MAN2A1: variants seen among roughly 807,000 people sequenced by gnomAD.
The protein encoded by MAN2A1 is mannosidase alpha class 2A member 1.
In MAN2A1, 76 loss-of-function variants were observed where a neutral mutation model predicts 142.6. The observed-to-expected ratio is 0.53, with a 90% CI of 0.44 to 0.65. The LOEUF (loss-of-function observed/expected upper bound fraction) is 0.65, where lower values mean the gene tolerates loss of function less well. Among genes scored for constraint, MAN2A1 ranks in the 30% least tolerant of loss-of-function variants. The pLI is 0.00. For synonymous variants in MAN2A1, 559 were observed against 473.2 expected (o/e 1.18, Z -2.35); for missense variants, 1,311 against 1,365.1 (o/e 0.96, Z 0.62).
In MAN2A1 at chr5:109,770,442, T is replaced by C; in HGVS notation, c.1097T>C (p.Ile366Thr). ...IPHTCGPDPK[I>T]CCQFDFKRLP... Reference sequence around the variant, plus strand: ...CACACTTGTGGACCTGATCCTAAAATATGCTGCCAGTTTGATTTTAAACGT... The same window carrying C: ...CACACTTGTGGACCTGATCCTAAAACATGCTGCCAGTTTGATTTTAAACGT... The change falls in exon 7 of 22, where the codon ATA (isoleucine) becomes ACA (threonine). Residue 366 changes from isoleucine (I) to threonine (T), a missense_variant. Ile to Thr is a moderately conservative substitution (Grantham distance 89). Coordinates refer to ENST00000261483, the MANE Select transcript of MAN2A1 (RefSeq NM_002372.4). 2 of 1,614,054 alleles carry C rather than the reference T, an allele frequency of 1.2e-6. No homozygotes were observed. The highest frequency in any genetic ancestry group is 1.7e-6 in the Non-Finnish European group (2 of 1,179,920).
intron 12 of MAN2A1, among the ~76,000 whole-genome samples, chr5:109,809,802 G>T (rs115968442): frequency 0.013 from 2,044 of 152,124 alleles, 36 homozygotes; most frequent in African/African-American, 0.047. Flanking sequence ...AGCTATTCAG[G>T]TAATTATATT....
In MAN2A1 at chr5:109,788,837, G is replaced by GA. The variant is rs1405914089; in HGVS notation, c.1761-95dup. ...ATAGGTTTCACTTTGAATACAAGAT[G>GA]AAGATACTGGTGGTTTGGCTATTAG... On this transcript the variant is annotated intron_variant, in intron 10 of 21. Transcript: ENST00000261483. 6.3e-6 allele frequency: 4 copies of GA among 630,950 alleles called. No homozygotes were observed. The Admixed American group carries it at 8.1e-5, about 13-fold the overall frequency. 39.1% of individuals were successfully genotyped at this position (630,950 alleles called of 1,614,324 possible).
At chr5:109,781,623 A>G (rs762080847) in intron 9 of MAN2A1, 25 bp downstream of exon 9, 3 of 1,474,856 alleles carry the variant, frequency 2.0e-6, no homozygotes, top group Non-Finnish European at 2.8e-6. Flanking sequence ...CTATAGCTAC[A>G]TGTATTTTTT....
intron 20 of MAN2A1, among the ~76,000 whole-genome samples, chr5:109,859,542 T>A (rs1258953724): frequency 6.6e-6 from 1 of 152,082 alleles, no homozygotes; most frequent in African/African-American, 2.4e-5. Context: ...TCAACTCTTT[T>A]CCTTGATCAC....
intron 4 of MAN2A1, among the ~76,000 whole-genome samples, chr5:109,754,475 T>G (rs2112626018): frequency 6.6e-6 from 1 of 152,342 alleles, no homozygotes; most frequent in Admixed American, 6.5e-5. Flanking sequence ...CTTTATGATG[T>G]TATCTGTATT....
At chr5:109,832,259 G>A (rs1016275912) in intron 16 of MAN2A1, among the ~76,000 whole-genome samples, 4 of 150,314 alleles carry the variant, frequency 2.7e-5, no homozygotes, top group Non-Finnish European at 4.4e-5. Context: ...ATAGTGGAGG[G>A]AAGGTCAGCA....
chr5:109,741,262 C>G (rs781586033), intron 4 of MAN2A1, among the ~76,000 whole-genome samples: 1 of 152,208 alleles, frequency 6.6e-6, no homozygotes, highest in Non-Finnish European at 1.5e-5. Context: ...AAAGTTCTCT[C>G]TCTTCTAGCT....
chr5:109,777,622 AT>A (rs1753331289), intron 8 of MAN2A1, among the ~76,000 whole-genome samples: 1 of 151,960 alleles, frequency 6.6e-6, no homozygotes, highest in Admixed American at 6.6e-5. Flanking sequence ...TGTTTGAAAA[AT>A]TTTTGTTTAT....
intron 16 of MAN2A1, among the ~76,000 whole-genome samples, chr5:109,833,268 G>T (rs1400355917): frequency 6.6e-6 from 1 of 152,126 alleles, no homozygotes; most frequent in Non-Finnish European, 1.5e-5. Context: ...CAGACAGGGT[G>T]GCGGCCGGGC....
chr5:109,851,155 CAG>C (rs1177741890), intron 19 of MAN2A1, among the ~76,000 whole-genome samples: 1 of 152,178 alleles, frequency 6.6e-6, no homozygotes, highest in Non-Finnish European at 1.5e-5. Context: ...GTCCTGTCCT[CAG>C]AGAATTCTGC....
Position 109,767,583 on chromosome 5 carries a change from C to T in MAN2A1, c.884C>T (p.Pro295Leu). 6.2e-7 allele frequency: 1 copy of T among 1,613,706 alleles called. No individual in the cohort carries two copies. Among genetic ancestry groups the T allele is most frequent in the Non-Finnish European group, 8.5e-7 (1 of 1,179,712 alleles). Reference sequence around the variant, plus strand: ...GCTATTGATCCCTTTGGACACTCACCAACAATGGCTTATCTTCTAAACCGT... The same window carrying T: ...GCTATTGATCCCTTTGGACACTCACTAACAATGGCTTATCTTCTAAACCGT... ...GWAIDPFGHS[P>L]TMAYLLNRAG... is the part of the protein sequence containing the mutation. The change falls in exon 6 of 22, where the codon CCA (proline) becomes CTA (leucine). Residue 295 changes from proline (P) to leucine (L), a missense_variant. Physicochemically the swap from Pro to Leu is moderately conservative, Grantham distance 98. Coordinates refer to ENST00000261483, the MANE Select transcript of MAN2A1 (RefSeq NM_002372.4).
At chr5:109,717,585 A>G (rs573358432) in intron 3 of MAN2A1, among the ~76,000 whole-genome samples, 74 of 151,966 alleles carry the variant, frequency 4.9e-4, no homozygotes, top group Admixed American at 6.6e-4. Context: ...TGTTTTCCTC[A>G]TATATATTTT....
At chr5:109,748,885 G>A (rs148430636) in intron 4 of MAN2A1, among the ~76,000 whole-genome samples, 46 of 151,260 alleles carry the variant, frequency 3.0e-4, no homozygotes, top group African/African-American at 1.1e-3. Flanking sequence ...ATTATATAAG[G>A]GGCTTTAAAA....
At chr5:109,714,776 C>T (rs969383118) in intron 2 of MAN2A1, among the ~76,000 whole-genome samples, 2 of 152,260 alleles carry the variant, frequency 1.3e-5, no homozygotes, top group South Asian at 4.2e-4. Flanking sequence ...ATCTTGAGGT[C>T]GTGGCTCACA....
intron 14 of MAN2A1, 24 bp downstream of exon 14, chr5:109,819,911 T>C: frequency 6.9e-7 from 1 of 1,443,980 alleles, no homozygotes; most frequent in Non-Finnish European, 9.4e-7. Context: ...AGTTCTAAAA[T>C]TCATAGAATG....
intron 19 of MAN2A1, 63 bp downstream of exon 19, chr5:109,847,853 T>C: frequency 1.0e-5 from 13 of 1,261,418 alleles, no homozygotes; most frequent in Non-Finnish European, 1.4e-5. Context: ...AACTTGAAAT[T>C]ATGACTTTCC....
intron 15 of MAN2A1, among the ~76,000 whole-genome samples, chr5:109,823,074 C>T (rs190018856): frequency 6.8e-4 from 103 of 152,308 alleles, no homozygotes; most frequent in African/African-American, 2.4e-3. Context: ...TATAATTACT[C>T]ATAAATGTTT....
chr5:109,699,131 C>G (rs1164600955), intron 1 of MAN2A1, among the ~76,000 whole-genome samples: 1 of 152,134 alleles, frequency 6.6e-6, no homozygotes, highest in African/African-American at 2.4e-5. Context: ...TTTCTTGATT[C>G]ATCAACTTTA....
chr5:109,847,106 A>G (rs966673615), intron 18 of MAN2A1, among the ~76,000 whole-genome samples: 1 of 152,188 alleles, frequency 6.6e-6, no homozygotes, highest in Admixed American at 6.5e-5. Flanking sequence ...ATGTTGAGAA[A>G]ACATAAAACA....
Sources: gnomAD v4.1 joint callset for allele counts (sites outside exome capture counted in the v4.1 genomes callset) on GRCh38, gnomAD v4.1.1 for gene constraint, MANE v1.5 for transcripts, NCBI Gene and HGNC (gene_info 2026-07-23, HGNC 2026-07-21) for gene names.